The following HTR3B variants were observed in gnomAD, a reference collection of about 807,000 sequenced individuals.
HTR3B encodes the protein 5-hydroxytryptamine (serotonin) receptor 3B, ionotropic.
HTR3B carries 44 observed loss-of-function variants against 42.8 expected under a neutral mutation model. The observed-to-expected ratio is 1.03, with a 90% CI of 0.81 to 1.32. HTR3B has a LOEUF of 1.32. Ranked by LOEUF, HTR3B falls within the 40% of genes most tolerant of loss-of-function variation. The pLI, the probability that HTR3B is intolerant of heterozygous loss-of-function variation, is 0.00. For missense variants in HTR3B, 527 were observed against 536.5 expected (o/e 0.98, Z 0.17); for synonymous variants, 203 against 209.0 (o/e 0.97, Z 0.25).
intron 2 of HTR3B, among the ~76,000 whole-genome samples, chr11:113,929,130 C>A (rs1950006398): frequency 6.6e-6 from 1 of 152,122 alleles, no homozygotes; most frequent in Non-Finnish European, 1.5e-5. Context: ...ACATTTCCAC[C>A]AACAGTGCAC....
chr11:113,925,351 C>T (rs541867680), intron 2 of HTR3B, among the ~76,000 whole-genome samples: 2 of 150,756 alleles, frequency 1.3e-5, no homozygotes, highest in East Asian at 3.9e-4. Context: ...TACAGAAATA[C>T]GAATGTTACC....
chr11:113,940,759 C>T (rs1431238907), intron 6 of HTR3B, among the ~76,000 whole-genome samples: 1 of 152,180 alleles, frequency 6.6e-6, no homozygotes, highest in Non-Finnish European at 1.5e-5. Context: ...TGTTTCATCT[C>T]CCCCAGCCAA....
chr11:113,937,418 T>A (rs1009498010), intron 6 of HTR3B, among the ~76,000 whole-genome samples: 2 of 152,224 alleles, frequency 1.3e-5, no homozygotes, highest in Admixed American at 6.5e-5. Flanking sequence ...ACTTAGGACA[T>A]AAAGATGAAT....
In HTR3B at chr11:113,933,075, T is replaced by C. The variant is rs907550489; in HGVS notation, c.678T>C (p.Phe226=). 21 of 1,613,912 alleles carry C rather than the reference T, an allele frequency of 1.3e-5. No individual in the cohort carries two copies. Among genetic ancestry groups the C allele is most frequent in the Middle Eastern group, 1.6e-4 (1 of 6,080 alleles). The change falls in exon 6 of 9, where the codon TTT becomes TTC. Residue 226 remains phenylalanine, a synonymous_variant. Transcript: ENST00000260191. ...TCCTGCAGAGCAGCGCTGGAGGATT[T>C]GCACAGATTCAGTTTAATGTAGGTT... The part of the protein sequence containing the change: ...YSILQSSAGG[F]AQIQFNVVMR...
At chr11:113,910,432 AT>A (rs1437845404) in intron 2 of HTR3B, among the ~76,000 whole-genome samples, 2 of 144,132 alleles carry the variant, frequency 1.4e-5, no homozygotes, top group Non-Finnish European at 3.0e-5. Context: ...AGTTATTTTG[AT>A]TTCTCTCTCT....
At chr11:113,926,172 A>G (rs1229232049) in intron 2 of HTR3B, among the ~76,000 whole-genome samples, 1 of 152,200 alleles carries the variant, frequency 6.6e-6, no homozygotes, top group Non-Finnish European at 1.5e-5. Flanking sequence ...TTCAAAGTTC[A>G]TATATGTTGT....
intron 2 of HTR3B, among the ~76,000 whole-genome samples, chr11:113,930,666 T>C (rs944188676): frequency 6.6e-6 from 1 of 152,086 alleles, no homozygotes; most frequent in Middle Eastern, 3.4e-3. Flanking sequence ...ATTTTTAACT[T>C]TTTTGTAGAG....
intron 6 of HTR3B, among the ~76,000 whole-genome samples, chr11:113,936,345 C>T (rs974132450): frequency 2.0e-5 from 3 of 151,984 alleles, no homozygotes; most frequent in Admixed American, 6.6e-5. Context: ...AGTGTTTATT[C>T]GGGCAGGAAT....
chr11:113,902,116 T>C (rs116789475), upstream of HTR3B, among the ~76,000 whole-genome samples: 335 of 152,300 alleles, frequency 2.2e-3, 2 homozygotes, highest in African/African-American at 7.5e-3. Context: ...AGATAAACTT[T>C]CCATAACTGT....
chr11:113,944,457 C>T, intron 7 of HTR3B, 116 bp from the exon 8 acceptor site: 2 of 888,290 alleles, frequency 2.3e-6, no homozygotes, highest in Non-Finnish European at 3.5e-6. Flanking sequence ...GCCATGATTG[C>T]ACCACTGCAC....
chr11:113,904,864 TAGG>T lies in HTR3B; in HGVS notation c.-67_-65del. The T allele has an allele frequency of 1.7e-6, 2 of 1,197,676 alleles. No individual in the cohort carries two copies. Among genetic ancestry groups the T allele is most frequent in the Non-Finnish European group, 2.5e-6 (2 of 800,416 alleles). The allele number at this position is 1,197,676 out of a possible 1,614,324, so 74.2% of individuals were successfully genotyped here. ...AGAACAGAGTGGAGAGGAACCCTGT[TAGG>T]AGAAATTGAGCGGCATTCCATCTGG... On this transcript the variant is annotated 5_prime_UTR_variant, in exon 1 of 9. Coordinates refer to ENST00000260191, the MANE Select transcript of HTR3B (RefSeq NM_006028.5).
intron 6 of HTR3B, among the ~76,000 whole-genome samples, chr11:113,937,116 T>A (rs559107701): frequency 6.6e-6 from 1 of 152,306 alleles, no homozygotes; most frequent in East Asian, 1.9e-4. Flanking sequence ...AGGCACCAGC[T>A]CCTTTAGTCC....
chr11:113,923,407 A>G (rs1275388908), intron 2 of HTR3B, among the ~76,000 whole-genome samples: 2 of 152,224 alleles, frequency 1.3e-5, no homozygotes, highest in Non-Finnish European at 2.9e-5. Flanking sequence ...ATCTGATTAT[A>G]GAGATAATCT....
chr11:113,914,021 AC>A (rs1949826231), intron 2 of HTR3B, among the ~76,000 whole-genome samples: 1 of 151,062 alleles, frequency 6.6e-6, no homozygotes, highest in Non-Finnish European at 1.5e-5. Context: ...AACTTTCCAG[AC>A]CCCAGAGCTG....
intron 6 of HTR3B, among the ~76,000 whole-genome samples, chr11:113,942,263 G>A (rs192986102): frequency 4.6e-5 from 7 of 152,112 alleles, no homozygotes; most frequent in African/African-American, 9.6e-5. Flanking sequence ...GTGACAGAGC[G>A]AGACTCCGTC....
intron 2 of HTR3B, among the ~76,000 whole-genome samples, chr11:113,926,488 C>CTTTCT: frequency 7.5e-6 from 1 of 133,582 alleles, no homozygotes; most frequent in South Asian, 2.4e-4. Flanking sequence ...CTTTCCTTTC[C>CTTTCT]TTTCCTTTCC....
Position 113,943,074 on chromosome 11 carries a change from G to A in HTR3B, c.789G>A (p.Leu263=), listed in dbSNP as rs756867912. The A allele has an allele frequency of 2.5e-5, 41 of 1,613,926 alleles. No individual in the cohort carries two copies. Among genetic ancestry groups the A allele is most frequent in the Non-Finnish European group, 3.3e-5 (39 of 1,180,014 alleles). Residue 263 remains leucine (L), a synonymous_variant, in exon 7 of 9, where the codon CTG becomes CTA. Transcript: ENST00000260191. The part of the protein sequence containing the change: ...LMLVDLGSFY[L]PPNCRARIVF... ...TGGTGGACCTGGGGAGCTTCTACCT[G>A]CCACCCAACTGCCGAGCCAGGATTG...
chr11:113,915,173 T>G (rs1949839257), intron 2 of HTR3B, among the ~76,000 whole-genome samples: 4 of 152,026 alleles, frequency 2.6e-5, no homozygotes, highest in Admixed American at 2.6e-4. Flanking sequence ...AAGAGCCAAC[T>G]TTGGGCTTTG....
In HTR3B at chr11:113,909,419, C is replaced by T. The variant is rs915376838; in HGVS notation, c.177C>T (p.Val59=). 2 of 1,614,014 alleles carry T rather than the reference C, an allele frequency of 1.2e-6. No individual in the cohort carries two copies. The highest frequency in any genetic ancestry group is 1.3e-5 in the African/African-American group (1 of 74,932). The change falls in exon 2 of 9, where the codon GTC becomes GTT. Residue 59 remains valine, a synonymous_variant. Transcript: ENST00000260191. ...PVYNWTKATT[V]YLDLFVHAIL... ...ACAACTGGACCAAGGCCACCACAGT[C>T]TACCTGGACCTGTTCGTCCATGCTA...
Sources: gnomAD v4.1 joint callset for allele counts (sites outside exome capture counted in the v4.1 genomes callset) on GRCh38, gnomAD v4.1.1 for gene constraint, MANE v1.5 for transcripts, NCBI Gene and HGNC (gene_info 2026-07-23, HGNC 2026-07-21) for gene names.